Variants in KLHL22 observed in about 807,000 individuals in gnomAD.
KLHL22 encodes the protein kelch like family member 22.
Under a neutral mutation model 60.7 loss-of-function variants are expected in KLHL22, and 18 were observed. The ratio of observed to expected loss-of-function variants is 0.30; its 90% CI spans 0.20 to 0.44. The LOEUF is 0.44. KLHL22 is among the 20% of genes least tolerant of loss of function. KLHL22 has a pLI of 1.00. For synonymous variants in KLHL22, 355 were observed against 354.5 expected, an observed-to-expected ratio of 1.00 and a Z score of -0.01; for missense variants, 596 against 852.3, an observed-to-expected ratio of 0.70 and a Z score of 3.74.
chr22:20,450,936 A>G, intron 5 of KLHL22: 1 of 1,612,160 alleles, frequency 6.2e-7, no homozygotes, highest in Non-Finnish European at 8.5e-7. Flanking sequence ...GACCCAGGAC[A>G]AGGGCTCGCC....
chr22:20,459,080 G>C (rs909180527), intron 4 of KLHL22, among the ~76,000 whole-genome samples: 4 of 152,180 alleles, frequency 2.6e-5, no homozygotes, highest in African/African-American at 9.7e-5. Context: ...AGCCATGAGG[G>C]GCCAGGACCC....
At chr22:20,478,905 G>A (rs914583125) in intron 2 of KLHL22, among the ~76,000 whole-genome samples, 2 of 151,252 alleles carry the variant, frequency 1.3e-5, no homozygotes, top group African/African-American at 4.8e-5. Context: ...GAGGTGGGCG[G>A]ATCACCTGAG....
At chr22:20,470,786 A>AGATGGATGGATGGATG (rs361774) in intron 3 of KLHL22, among the ~76,000 whole-genome samples, 119 of 137,762 alleles carry the variant, frequency 8.6e-4, no homozygotes, top group African/African-American at 2.9e-3. Context: ...ATGGATGGAT[A>AGATGGATGGATGGATG]GATGGATGGA....
chr22:20,470,735 G>A (rs1312511672), intron 3 of KLHL22, among the ~76,000 whole-genome samples: 1 of 151,058 alleles, frequency 6.6e-6, no homozygotes, highest in East Asian at 2.0e-4. Context: ...TGGATGGATG[G>A]ATGGATGGAT....
At position 20,465,000 on chromosome 22, in the gene KLHL22, A is replaced by G. The variant is rs2053209507; in HGVS notation, c.970T>C (p.Leu324=). 1.2e-5 allele frequency: 19 copies of G among 1,611,862 alleles called. No individual in the cohort carries two copies. Among genetic ancestry groups the G allele is most frequent in the Non-Finnish European group, 1.6e-5 (19 of 1,178,968 alleles). ...LSDQAKYLNP[L]LGEWKHFTAS... is the part of the protein sequence containing the mutation. The stretch of plus-strand genomic sequence containing the variant: ...GTGAAGTGCTTCCACTCTCCCAGTA[A>G]GGGGTTTAGATACTTGGCCTGGTCG... The change falls in exon 4 of 7, where the codon TTA becomes CTA. Residue 324 remains leucine (L), a synonymous_variant. Coordinates refer to ENST00000328879, the MANE Select transcript of KLHL22 (RefSeq NM_032775.4).
chr22:20,442,357 C>G lies in KLHL22; in HGVS notation c.1621G>C (p.Val541Leu), dbSNP rs1404226623. Reference sequence around the variant, plus strand: ...AACACATAGATCCTGTTGTCCAGCACAGCAATGCCAGGCTCACCGTGCCCA... The same window carrying G: ...AACACATAGATCCTGTTGTCCAGCAGAGCAATGCCAGGCTCACCGTGCCCA... ...PAGHGEPGIA[V>L]LDNRIYVLGG... is the part of the protein sequence containing the mutation. The change falls in exon 7 of 7, where the codon GTG (valine) becomes CTG (leucine). Residue 541 changes from valine to leucine, a missense_variant. Transcript: ENST00000328879. 4.3e-6 allele frequency: 7 copies of G among 1,613,832 alleles called. No homozygotes were observed. In the Admixed American group the frequency reaches 1.2e-4, roughly 27 times the overall value.
intron 4 of KLHL22, 70 bp downstream of exon 4, chr22:20,464,788 C>G (rs2146216330): frequency 1.0e-6 from 1 of 969,560 alleles, no homozygotes; most frequent in Middle Eastern, 2.2e-4. Context: ...CTGACCAGCT[C>G]TCTCAGCCCA....
Position 20,450,114 on chromosome 22 carries a change from A to G in KLHL22, c.1306-3438T>C. 3 of 779,090 alleles carry G rather than the reference A, an allele frequency of 3.9e-6. No homozygotes were observed. In the South Asian group the frequency reaches 4.1e-5, roughly 11 times the overall value. The allele number at this position is 779,090 out of a possible 1,614,324, so 48.3% of individuals were successfully genotyped here. ...GGACCTATTTTTGTTCTTTCTCCGC[A>G]CTGCTTTATGGGAGGCATTATGGCC... On this transcript the variant is annotated intron_variant, in intron 5 of 6. Coordinates refer to ENST00000328879, the MANE Select transcript of KLHL22 (RefSeq NM_032775.4).
rs572080605 is a variant in KLHL22, at chr22:20,462,764, G to GA, written c.1112+2093dup. On this transcript the variant is annotated intron_variant, in intron 4 of 6. Transcript: ENST00000328879. The stretch of plus-strand genomic sequence containing the variant: ...GTAATCCACAGGGCTATGGCTATGG[G>GA]AAAGGTACAAGGAATGATGCAGATA... Among the ~76,000 whole-genome samples, 311 of 152,270 alleles carry GA rather than the reference G, an allele frequency of 2.0e-3. 1 individual carries two copies. The highest frequency in any genetic ancestry group is 3.6e-3 in the Non-Finnish European group (246 of 68,018).
chr22:20,481,715 C>A (rs981239684), intron 2 of KLHL22, among the ~76,000 whole-genome samples: 2 of 152,092 alleles, frequency 1.3e-5, no homozygotes, highest in South Asian at 4.1e-4. Context: ...GCAATCCTCT[C>A]ACCTCAGCCT....
chr22:20,488,451 G>C (rs1441792585), intron 2 of KLHL22: 1 of 163,106 alleles, frequency 6.1e-6, no homozygotes, highest in Non-Finnish European at 1.4e-5. Flanking sequence ...ACCATGTCAG[G>C]TGCTAGGGAT....
At chr22:20,460,517 G>C (rs1213187275) in intron 4 of KLHL22, among the ~76,000 whole-genome samples, 1 of 147,588 alleles carries the variant, frequency 6.8e-6, no homozygotes, top group Non-Finnish European at 1.5e-5. Flanking sequence ...GCTGAGGCAG[G>C]AGAATCACTT....
intron 2 of KLHL22, among the ~76,000 whole-genome samples, chr22:20,473,642 G>T (rs368875352): frequency 6.6e-6 from 1 of 152,156 alleles, no homozygotes; most frequent in East Asian, 1.9e-4. Context: ...TTGGGAGGCC[G>T]AGGCAGGCCG....
At chr22:20,464,031 T>C (rs1601348372) in intron 4 of KLHL22, among the ~76,000 whole-genome samples, 1 of 152,084 alleles carries the variant, frequency 6.6e-6, no homozygotes, top group Non-Finnish European at 1.5e-5. Flanking sequence ...GCATGAAGGG[T>C]AGGGAGATTT....
rs1199707988 is a variant in KLHL22 at position 20,472,074 on chromosome 22, G to A, written c.228-559C>T. On this transcript the variant is annotated intron_variant, in intron 2 of 6. Coordinates refer to ENST00000328879, the MANE Select transcript of KLHL22 (RefSeq NM_032775.4). ...CCAGCCTGGCCCACATGGTGAAACCGCGTCTCTACTAAAAATACAAATATT... is the reference window on the plus strand; with the variant it reads ...CCAGCCTGGCCCACATGGTGAAACCACGTCTCTACTAAAAATACAAATATT... 4.0e-5 allele frequency among the ~76,000 whole-genome samples: 6 copies of A among 148,754 alleles called. No homozygotes were observed. In the East Asian group the frequency reaches 6.1e-4, roughly 15 times the overall value.
At chr22:20,493,274 A>G in intron 1 of KLHL22, 1 of 469,034 alleles carries the variant, frequency 2.1e-6, no homozygotes, top group South Asian at 1.6e-5. Flanking sequence ...GGCAAAGCAC[A>G]TTTACCAAGT....
At chr22:20,477,006 G>T (rs1300530181) in intron 2 of KLHL22, among the ~76,000 whole-genome samples, 4 of 151,296 alleles carry the variant, frequency 2.6e-5, no homozygotes, top group Non-Finnish European at 5.9e-5. Flanking sequence ...ACGTCTGGCC[G>T]GACACAAACT....
intron 4 of KLHL22, among the ~76,000 whole-genome samples, chr22:20,458,588 C>A (rs1008386734): frequency 2.6e-5 from 4 of 151,758 alleles, no homozygotes; most frequent in Admixed American, 2.6e-4. Context: ...TCCACATAGC[C>A]TTGCTCCCAC....
rs117436200 is a variant in KLHL22 at position 20,452,284 on chromosome 22, C to A, written c.1305+5524G>T. Among the ~76,000 whole-genome samples the A allele has an allele frequency of 2.6e-5, 4 of 151,102 alleles. No individual in the cohort carries two copies. In the East Asian group the frequency reaches 7.8e-4, roughly 29 times the overall value. ...TCTTTTTTTTTTCCAGGAACAAATA[C>A]ATTTTCTAATCTACAGGTAGCTAGG... On this transcript the variant is annotated intron_variant, in intron 5 of 6. Coordinates refer to ENST00000328879, the MANE Select transcript of KLHL22 (RefSeq NM_032775.4).
Sources: gnomAD v4.1 joint callset for allele counts (sites outside exome capture counted in the v4.1 genomes callset) on GRCh38, gnomAD v4.1.1 for gene constraint, MANE v1.5 for transcripts, NCBI Gene and HGNC (gene_info 2026-07-23, HGNC 2026-07-21) for gene names.